The following COL4A5 variants were observed in gnomAD, a reference collection of about 807,000 sequenced individuals.
The protein encoded by COL4A5 is collagen alpha-5(IV) chain.
Under a neutral mutation model 130.2 loss-of-function variants are expected in COL4A5, and 26 were observed. That is an observed-to-expected ratio of 0.20 (90% CI 0.15 to 0.28). The LOEUF (loss-of-function observed/expected upper bound fraction) is 0.28. Ranked by LOEUF, COL4A5 falls within the 10% of genes least tolerant of loss-of-function variation. The pLI is 1.00. For synonymous variants in COL4A5, 496 were observed against 439.6 expected (o/e 1.13, Z -1.60); for missense variants, 1,131 against 1,344.3 (o/e 0.84, Z 2.48).
chrX:108,661,399 C>T (rs762101752), intron 37 of COL4A5, among the ~76,000 whole-genome samples: 1 of 111,620 alleles, frequency 9.0e-6, no homozygotes, highest in South Asian at 3.7e-4. Flanking sequence ...TTCTGTTAAT[C>T]GCCACAAAAA....
chrX:108,623,859 A>G (rs1365717288), intron 33 of COL4A5, among the ~76,000 whole-genome samples: 1 of 111,965 alleles, frequency 8.9e-6, no homozygotes, highest in Non-Finnish European at 1.9e-5. Context: ...TTCTGTTTCA[A>G]TTATGCTTCC....
At chrX:108,549,866 A>T (rs189323822) in intron 2 of COL4A5, among the ~76,000 whole-genome samples, 43 of 112,109 alleles carry the variant, frequency 3.8e-4, no homozygotes, top group African/African-American at 1.4e-3. Context: ...TAAAAGATCA[A>T]TAAGGGACTA....
chrX:108,574,095 G>A (rs913317209), intron 9 of COL4A5, among the ~76,000 whole-genome samples: 4 of 111,799 alleles, frequency 3.6e-5, no homozygotes, highest in African/African-American at 1.3e-4. Flanking sequence ...AACATCAAAT[G>A]TAATCTTAAG....
At chrX:108,674,870 C>CCTG in intron 43 of COL4A5, 117 bp downstream of exon 43, 1 of 690,216 alleles carries the variant, frequency 1.4e-6, no homozygotes, top group Non-Finnish European at 2.1e-6. Flanking sequence ...TGCTGTTATC[C>CCTG]TCAAGCTGGG....
intron 1 of COL4A5, among the ~76,000 whole-genome samples, chrX:108,502,634 A>AT (rs776281453): frequency 9.9e-5 from 11 of 111,364 alleles, no homozygotes; most frequent in East Asian, 2.8e-4. Flanking sequence ...AATTTAAAAC[A>AT]TTTTTTTTCA....
chrX:108,464,503 T>G (rs1047686771), intron 1 of COL4A5, among the ~76,000 whole-genome samples: 5 of 111,926 alleles, frequency 4.5e-5, no homozygotes, highest in African/African-American at 6.5e-5. Flanking sequence ...TTGCACATTT[T>G]TATTTCTTAG....
rs2068736171 is a variant in COL4A5 at position 108,696,445 on chromosome X, G to A, written c.*67G>A. 1.1e-6 allele frequency: 1 copy of A among 874,130 alleles called. No homozygotes were observed. 72.0% of individuals were successfully genotyped at this position (874,130 alleles called of 1,213,427 possible). ...ATATATATAAAATTCCTAGGATGCA[G>A]TGTCTCATTGTCCCCAACTTTACTA... On this transcript the variant is annotated 3_prime_UTR_variant, in exon 53 of 53. Transcript: ENST00000328300.
chrX:108,452,635 T>C (rs1478967595), intron 1 of COL4A5, among the ~76,000 whole-genome samples: 1 of 111,945 alleles, frequency 8.9e-6, no homozygotes, highest in Non-Finnish European at 1.9e-5. Flanking sequence ...TTGTCTGTTA[T>C]TGGTGCATAA....
At chrX:108,454,851 G>T (rs762253866) in intron 1 of COL4A5, among the ~76,000 whole-genome samples, 38 of 110,996 alleles carry the variant, frequency 3.4e-4, no homozygotes, top group African/African-American at 1.2e-3. Context: ...GGACTCAAGG[G>T]ATCCTCCAAC....
At chrX:108,665,705 C>A in intron 38 of COL4A5, 118 bp downstream of exon 38, 1 of 536,268 alleles carries the variant, frequency 1.9e-6, no homozygotes, top group African/African-American at 2.3e-5. Context: ...ATATAGTGTT[C>A]ATTCACTTAA....
chrX:108,688,270 G>A (rs1012060144), intron 49 of COL4A5, among the ~76,000 whole-genome samples: 7 of 111,488 alleles, frequency 6.3e-5, no homozygotes, highest in African/African-American at 2.0e-4. Flanking sequence ...GTGTTCCCAT[G>A]TATCTTCTCT....
intron 1 of COL4A5, among the ~76,000 whole-genome samples, chrX:108,449,135 G>C (rs1236242196): frequency 8.9e-6 from 1 of 111,907 alleles, no homozygotes; most frequent in Non-Finnish European, 1.9e-5. Context: ...CATAAACGTA[G>C]AGTTAGTCCA....
At chrX:108,665,405 C>A in intron 37 of COL4A5, 102 bp from the exon 38 acceptor site, 1 of 555,203 alleles carries the variant, frequency 1.8e-6, no homozygotes, top group Non-Finnish European at 3.0e-6. Context: ...TCTTTTTGTT[C>A]TTCACTGTTT....
intron 1 of COL4A5, among the ~76,000 whole-genome samples, chrX:108,454,386 T>G (rs1213947007): frequency 9.0e-6 from 1 of 111,353 alleles, no homozygotes; most frequent in African/African-American, 3.3e-5. Context: ...CAAGTGATTC[T>G]CCTGCCTCAG....
intron 29 of COL4A5, among the ~76,000 whole-genome samples, chrX:108,607,841 T>C (rs192160619): frequency 8.9e-6 from 1 of 111,747 alleles, no homozygotes; most frequent in East Asian, 2.8e-4. Context: ...CTTTTGACTT[T>C]ATTTGCACTT....
intron 1 of COL4A5, among the ~76,000 whole-genome samples, chrX:108,444,808 C>T (rs187539444): frequency 8.9e-6 from 1 of 111,868 alleles, no homozygotes; most frequent in Admixed American, 9.5e-5. Flanking sequence ...AGTCCAAGAC[C>T]CTAGAATAAA....
At chrX:108,608,701 G>C (rs1326813160) in intron 29 of COL4A5, among the ~76,000 whole-genome samples, 2 of 110,744 alleles carry the variant, frequency 1.8e-5, no homozygotes, top group African/African-American at 6.6e-5. Context: ...AAATCTTAAG[G>C]GTACATTTAC....
intron 1 of COL4A5, among the ~76,000 whole-genome samples, chrX:108,485,123 T>A (rs988129614): frequency 8.9e-6 from 1 of 111,777 alleles, no homozygotes; most frequent in Non-Finnish European, 1.9e-5. Context: ...ACCATCTATG[T>A]TCACTTAAGG....
chrX:108,685,915 G>T, intron 47 of COL4A5, 116 bp from the exon 48 acceptor site: 4 of 594,545 alleles, frequency 6.7e-6, no homozygotes, highest in Non-Finnish European at 1.1e-5. Context: ...CTTTTTTCTG[G>T]ATTTAAGACA....
Sources: gnomAD v4.1 joint callset for allele counts (sites outside exome capture counted in the v4.1 genomes callset) on GRCh38, gnomAD v4.1.1 for gene constraint, MANE v1.5 for transcripts, NCBI Gene and HGNC (gene_info 2026-07-23, HGNC 2026-07-21) for gene names.